The following BBS9 variants were observed in gnomAD, a reference collection of about 807,000 sequenced individuals.
The protein encoded by BBS9 is protein PTHB1.
Under a neutral mutation model 117.7 loss-of-function variants are expected in BBS9, and 89 were observed. The observed-to-expected ratio is 0.76, with a 90% CI of 0.64 to 0.90. The LOEUF is 0.90. BBS9 is among the 40% of genes least tolerant of loss of function. The pLI, the probability that BBS9 is intolerant of heterozygous loss-of-function variation, is 0.00. For missense variants in BBS9, 982 were observed against 1,042.2 expected (o/e 0.94, Z 0.80); for synonymous variants, 379 against 370.9 (o/e 1.02, Z -0.25).
At chr7:33,404,026 T>C (rs922142792) in intron 19 of BBS9, among the ~76,000 whole-genome samples, 2 of 152,230 alleles carry the variant, frequency 1.3e-5, no homozygotes, top group African/African-American at 4.8e-5. Flanking sequence ...TGTGAGATGG[T>C]ATCTCATTGT....
At chr7:33,617,800 A>G (rs1209006975) in intron 21 of BBS9, among the ~76,000 whole-genome samples, 1 of 152,212 alleles carries the variant, frequency 6.6e-6, no homozygotes, top group African/African-American at 2.4e-5. Context: ...TGAGCAGAGG[A>G]AAGAATCAGA....
intron 5 of BBS9, among the ~76,000 whole-genome samples, chr7:33,201,131 A>T (rs1386439919): frequency 6.6e-6 from 1 of 152,070 alleles, no homozygotes; most frequent in Admixed American, 6.6e-5. Flanking sequence ...TTTGGGGACC[A>T]TGGGCATAAT....
At position 33,212,761 on chromosome 7, in the gene BBS9, T is replaced by C. The variant is rs1583653522; in HGVS notation, c.442+35170T>C. ...TATCGCTGTGGTTTCTGCAGGCTGG[T>C]AGAGGTACGGCCTTGGTAGCCTTCG... On this transcript the variant is annotated intron_variant, in intron 5 of 22. Transcript: ENST00000242067. 2.0e-5 allele frequency among the ~76,000 whole-genome samples: 3 copies of C among 152,200 alleles called. No individual in the cohort carries two copies. In the South Asian group the frequency reaches 6.2e-4, roughly 32 times the overall value.
At chr7:33,605,035 C>T (rs562374651) in intron 22 of BBS9, 60 bp downstream of exon 22, 2 of 1,496,968 alleles carry the variant, frequency 1.3e-6, no homozygotes, top group African/African-American at 1.4e-5. Context: ...ACAATCTGGT[C>T]AGTTTTTGTC....
chr7:33,349,237 T>C (rs1233897552), intron 13 of BBS9, 67 bp downstream of exon 13: 1 of 1,080,820 alleles, frequency 9.3e-7, no homozygotes, highest in East Asian at 2.4e-5. Flanking sequence ...AGTTTGTTCA[T>C]TTAATGGCTA....
intron 21 of BBS9, among the ~76,000 whole-genome samples, chr7:33,578,096 G>C (rs535639579): frequency 6.4e-4 from 97 of 152,128 alleles, no homozygotes; most frequent in Non-Finnish European, 1.9e-4. Context: ...ATTGGATTCA[G>C]ACATATCTTT....
At chr7:33,330,154 C>T (rs1813723413) in intron 9 of BBS9, among the ~76,000 whole-genome samples, 2 of 151,994 alleles carry the variant, frequency 1.3e-5, no homozygotes, top group South Asian at 2.1e-4. Context: ...GCTGGGACTA[C>T]AGATGCATGC....
At chr7:33,489,915 G>A (rs1282007641) in intron 19 of BBS9, among the ~76,000 whole-genome samples, 1 of 152,012 alleles carries the variant, frequency 6.6e-6, no homozygotes, top group Non-Finnish European at 1.5e-5. Flanking sequence ...TCACAGTGTT[G>A]GATATTGATA....
rs565282180 is a variant in BBS9 at position 33,342,083 on chromosome 7, A to G, written c.1275+1110A>G. 1.4e-4 allele frequency among the ~76,000 whole-genome samples: 22 copies of G among 152,246 alleles called. 1 individual carries two copies. The South Asian group carries it at 4.4e-3, about 30-fold the overall frequency. On this transcript the variant is annotated intron_variant, in intron 11 of 22. Coordinates refer to ENST00000242067, the MANE Select transcript of BBS9 (RefSeq NM_198428.3). ...TGGGAAGTGTCTTCATTATTTAGGT[A>G]TCAGAACATACTTTAAAACGTATAT...
At chr7:33,241,943 G>A (rs779763667) in intron 5 of BBS9, among the ~76,000 whole-genome samples, 4 of 151,804 alleles carry the variant, frequency 2.6e-5, no homozygotes, top group African/African-American at 7.3e-5. Context: ...GCTGTTTCTT[G>A]GTCATGTTAC....
At chr7:33,230,163 T>G (rs1043139643) in intron 5 of BBS9, among the ~76,000 whole-genome samples, 1 of 152,208 alleles carries the variant, frequency 6.6e-6, no homozygotes, top group Non-Finnish European at 1.5e-5. Context: ...TCACTCCTTG[T>G]GAGATATATG....
intron 19 of BBS9, among the ~76,000 whole-genome samples, chr7:33,453,114 G>A (rs1360106745): frequency 6.6e-6 from 1 of 152,170 alleles, no homozygotes; most frequent in Admixed American, 6.5e-5. Flanking sequence ...AAATTTTGAA[G>A]TACTGGAAAT....
intron 9 of BBS9, among the ~76,000 whole-genome samples, chr7:33,294,345 C>CTATCTATG (rs1369188031): frequency 1.0e-4 from 13 of 129,656 alleles, no homozygotes; most frequent in African/African-American, 3.7e-4. Flanking sequence ...ATCTATCTAT[C>CTATCTATG]TATCTATCTC....
intron 19 of BBS9, among the ~76,000 whole-genome samples, chr7:33,418,141 C>T (rs1270117571): frequency 6.6e-6 from 1 of 152,172 alleles, no homozygotes; most frequent in Non-Finnish European, 1.5e-5. Context: ...AATGAGCTCT[C>T]AGTGCTCTCA....
intron 6 of BBS9, among the ~76,000 whole-genome samples, chr7:33,258,958 G>T (rs559525624): frequency 2.3e-4 from 35 of 152,126 alleles, no homozygotes; most frequent in African/African-American, 8.2e-4. Context: ...AAATGTACAC[G>T]TTATGCATTA....
intron 5 of BBS9, among the ~76,000 whole-genome samples, chr7:33,226,619 G>A (rs999554271): frequency 1.3e-5 from 2 of 152,136 alleles, no homozygotes; most frequent in Non-Finnish European, 2.9e-5. Context: ...ATTCACAATA[G>A]CCAAAAGGTG....
intron 21 of BBS9, among the ~76,000 whole-genome samples, chr7:33,625,168 T>TA (rs1865580909): frequency 6.6e-6 from 1 of 152,184 alleles, no homozygotes; most frequent in South Asian, 2.1e-4. Flanking sequence ...AGCACAAAAT[T>TA]ATAGTACCTT....
At chr7:33,140,559 T>G (rs1437910989) in intron 1 of BBS9, among the ~76,000 whole-genome samples, 1 of 152,206 alleles carries the variant, frequency 6.6e-6, no homozygotes, top group Non-Finnish European at 1.5e-5. Context: ...GAGCTGCAAG[T>G]GAATGATGTA....
At chr7:33,526,229 G>A (rs1423039712) in intron 20 of BBS9, among the ~76,000 whole-genome samples, 2 of 151,970 alleles carry the variant, frequency 1.3e-5, no homozygotes, top group African/African-American at 4.8e-5. Context: ...TATGTGTCTT[G>A]GAGTTGCTCT....
Sources: gnomAD v4.1 joint callset for allele counts (sites outside exome capture counted in the v4.1 genomes callset) on GRCh38, gnomAD v4.1.1 for gene constraint, MANE v1.5 for transcripts, NCBI Gene and HGNC (gene_info 2026-07-23, HGNC 2026-07-21) for gene names.